The following AGTPBP1 variants were observed in gnomAD, a reference collection of about 807,000 sequenced individuals.
AGTPBP1 encodes the protein ATP/GTP binding carboxypeptidase 1, also known as cytosolic carboxypeptidase 1.
A neutral mutation model predicts 143.9 loss-of-function variants in AGTPBP1; 70 were observed. The ratio of observed to expected loss-of-function variants is 0.49; its 90% CI spans 0.40 to 0.59. The LOEUF is 0.59. Ranked by LOEUF, AGTPBP1 falls within the 20% of genes least tolerant of loss-of-function variation. The pLI, the probability that AGTPBP1 is intolerant of heterozygous loss-of-function variation, is 0.00. For synonymous variants in AGTPBP1, 463 were observed against 500.2 expected (o/e 0.93, Z 0.99); for missense variants, 1,229 against 1,464.5 (o/e 0.84, Z 2.62).
intron 14 of AGTPBP1, among the ~76,000 whole-genome samples, chr9:85,629,121 A>T (rs7469400): frequency 6.2e-4 from 94 of 152,316 alleles, no homozygotes; most frequent in South Asian, 1.5e-3. Context: ...AAACACCTGT[A>T]CCAACTCTCA....
chr9:85,743,636 T>A (rs1386882102), upstream of AGTPBP1, among the ~76,000 whole-genome samples: 1 of 152,214 alleles, frequency 6.6e-6, no homozygotes, highest in Non-Finnish European at 1.5e-5. Flanking sequence ...GAAATACATA[T>A]AAACTCAAGA....
chr9:85,572,575 TC>T (rs1428971888), intron 25 of AGTPBP1, among the ~76,000 whole-genome samples: 1 of 152,196 alleles, frequency 6.6e-6, no homozygotes. Context: ...TATGTGCTTT[TC>T]AAAATATATA....
At chr9:85,774,008 G>T in the AGTPBP1 span, 2 of 1,609,456 alleles carry the variant, frequency 1.2e-6, no homozygotes, top group South Asian at 1.1e-5. Flanking sequence ...ACGAACAAAA[G>T]ATGCAGTTGC....
At chr9:85,641,103 C>G (rs1832434337) in intron 13 of AGTPBP1, among the ~76,000 whole-genome samples, 1 of 152,096 alleles carries the variant, frequency 6.6e-6, no homozygotes, top group South Asian at 2.1e-4. Flanking sequence ...CCATCTGCTA[C>G]CAGATCAAAA....
chr9:85,732,576 A>C (rs1441541565), intron 1 of AGTPBP1, among the ~76,000 whole-genome samples: 1 of 152,182 alleles, frequency 6.6e-6, no homozygotes, highest in Non-Finnish European at 1.5e-5. Flanking sequence ...AGGAATAAAA[A>C]CAGCTAATAT....
the AGTPBP1 span, among the ~76,000 whole-genome samples, chr9:85,769,520 CAAAAAAAAAAAA>C: frequency 3.3e-5 from 2 of 60,900 alleles, no homozygotes; most frequent in East Asian, 5.9e-4. Context: ...ACCCTGTGTC[CAAAAAAAAAAAA>C]AAAAAAAAGA....
chr9:85,645,842 T>C (rs1184055916), intron 12 of AGTPBP1, among the ~76,000 whole-genome samples: 2 of 152,172 alleles, frequency 1.3e-5, no homozygotes, highest in East Asian at 3.8e-4. Context: ...AATATGACAA[T>C]AATTTTATAT....
At chr9:85,553,881 TTC>T (rs1169740368) in intron 25 of AGTPBP1, 6 of 152,186 alleles carry the variant, frequency 3.9e-5, no homozygotes, top group Non-Finnish European at 8.8e-5. Context: ...TCAGGTAAAT[TTC>T]TCTCTTTCAG....
chr9:85,612,968 C>A (rs553424539), intron 17 of AGTPBP1, among the ~76,000 whole-genome samples: 5 of 151,760 alleles, frequency 3.3e-5, no homozygotes, highest in South Asian at 2.1e-4. Context: ...TGCCCATGAG[C>A]ACAAAACTGA....
chr9:85,723,813 T>C (rs1838289104), intron 1 of AGTPBP1, among the ~76,000 whole-genome samples: 1 of 152,152 alleles, frequency 6.6e-6, no homozygotes, highest in Admixed American at 6.5e-5. Context: ...TTTGGTCATC[T>C]TGGAAGCCTC....
At chr9:85,592,487 A>G (rs1829033691) in intron 19 of AGTPBP1, 73 bp downstream of exon 19, 1 of 1,067,606 alleles carries the variant, frequency 9.4e-7, no homozygotes, top group African/African-American at 1.7e-5. Flanking sequence ...ATGTTAGAAT[A>G]TTTAACTAAA....
the AGTPBP1 span, among the ~76,000 whole-genome samples, chr9:85,760,537 G>A: frequency 6.6e-6 from 1 of 152,184 alleles, no homozygotes; most frequent in South Asian, 2.1e-4. Context: ...TGTCTCAATA[G>A]ATGCAGAAAA....
intron 4 of AGTPBP1, 72 bp downstream of exon 4, chr9:85,681,196 C>T: frequency 2.2e-6 from 3 of 1,344,328 alleles, no homozygotes; most frequent in Non-Finnish European, 3.2e-6. Context: ...TTTATACACA[C>T]ACATACGCTT....
At chr9:85,635,426 G>A (rs1434908484) in intron 13 of AGTPBP1, among the ~76,000 whole-genome samples, 1 of 152,188 alleles carries the variant, frequency 6.6e-6, no homozygotes, top group Non-Finnish European at 1.5e-5. Context: ...GGTTAAAGGG[G>A]TAGTAAGTTT....
intron 1 of AGTPBP1, among the ~76,000 whole-genome samples, chr9:85,728,805 A>C (rs982236782): frequency 1.6e-4 from 24 of 152,092 alleles, no homozygotes; most frequent in Non-Finnish European, 2.9e-4. Flanking sequence ...TTATTTCAAA[A>C]TCTTACATAA....
In AGTPBP1 at chr9:85,677,490, G is replaced by A. The variant is rs761303778; in HGVS notation, c.382C>T (p.His128Tyr). Residue 128 changes from histidine (H) to tyrosine (Y), a missense_variant, in exon 6 of 26, where the codon CAT (histidine) becomes TAT (tyrosine). By Grantham distance (83) the His-to-Tyr change is moderately conservative. Around this residue, in one of 2 missense-constraint regions of AGTPBP1, gnomAD observed 743 missense variants for 812.2 expected, o/e 0.91. Transcript: ENST00000357081. Reference sequence around the variant, plus strand: ...TGAATCTGTACCATTAAGTCCTCATGTGGGGGAGATTCTTTGCTGGCATTC... The same window carrying A: ...TGAATCTGTACCATTAAGTCCTCATATGGGGGAGATTCTTTGCTGGCATTC... ...LMNASKESPP[H>Y]EDLMVQIHSI... is the part of the protein sequence containing the mutation. The A allele has an allele frequency of 1.9e-6, 3 of 1,605,184 alleles. No individual in the cohort carries two copies. The South Asian group carries it at 3.3e-5, about 18-fold the overall frequency.
intron 25 of AGTPBP1, among the ~76,000 whole-genome samples, chr9:85,553,586 G>C (rs1159199491): frequency 1.3e-5 from 2 of 152,204 alleles, no homozygotes; most frequent in Non-Finnish European, 2.9e-5. Flanking sequence ...GTAAGTCAAG[G>C]AGCAGCTGTA....
intron 25 of AGTPBP1, among the ~76,000 whole-genome samples, chr9:85,563,813 G>A (rs1333420994): frequency 1.3e-5 from 2 of 152,202 alleles, no homozygotes; most frequent in Non-Finnish European, 2.9e-5. Flanking sequence ...GGAGCCACCT[G>A]TGCCTGCAGG....
At position 85,640,104 on chromosome 9, in the gene AGTPBP1, A is replaced by C. The variant is rs190220553; in HGVS notation, c.1302+2723T>G. On this transcript the variant is annotated intron_variant, in intron 13 of 25. Coordinates refer to ENST00000357081, the MANE Select transcript of AGTPBP1 (RefSeq NM_001330701.2). The stretch of plus-strand genomic sequence containing the variant: ...ATTGAAACTAACTTCATTTATGTTT[A>C]TTATCTCATGATCTACAAAAAATTG... Among the ~76,000 whole-genome samples the C allele has an allele frequency of 3.9e-3, 591 of 152,342 alleles. 16 individuals carry two copies. Among genetic ancestry groups the C allele is most frequent in the Non-Finnish European group, 1.3e-3 (86 of 68,032 alleles).
Sources: gnomAD v4.1 joint callset for allele counts (sites outside exome capture counted in the v4.1 genomes callset) on GRCh38, gnomAD v4.1.1 for gene constraint, gnomAD v4.1.1 regional missense constraint, MANE v1.5 for transcripts, NCBI Gene and HGNC (gene_info 2026-07-23, HGNC 2026-07-21) for gene names.